ERC1: variants seen among roughly 807,000 people sequenced by gnomAD.
ERC1 encodes ELKS/RAB6-interacting/CAST family member 1.
ERC1 carries 56 observed loss-of-function variants against 132.0 expected under a neutral mutation model. The ratio of observed to expected loss-of-function variants is 0.42; its 90% CI spans 0.34 to 0.53. ERC1 has a LOEUF of 0.53. Among genes scored for constraint, ERC1 ranks in the 20% least tolerant of loss-of-function variants. The probability of loss-of-function intolerance (pLI) is 0.03; values close to 1 mark genes in which losing one functional copy is unlikely to be tolerated. For synonymous variants in ERC1, 478 were observed against 476.1 expected (o/e 1.00, Z -0.05); for missense variants, 1,202 against 1,349.9 (o/e 0.89, Z 1.72).
rs1410541614 is a variant in ERC1, at chr12:1,418,619, CTTTCTTTCTTTCTT to C, written c.3024+10374_3024+10387del. 3.3e-3 allele frequency among the ~76,000 whole-genome samples: 417 copies of C among 126,778 alleles called. 6 individuals are homozygous for C. The highest frequency in any genetic ancestry group is 0.016 in the African/African-American group (403 of 25,866). 83.2% of individuals were successfully genotyped at this position (126,778 alleles called of 152,430 possible). Reference sequence around the variant, plus strand: ...TCTTTCTTTCTTTCTTTCTTTCTTTCTTTCTTTCTTTCTTTCTTTCTTTCTCTCTCTCTCTCTCT... The same window carrying C: ...TCTTTCTTTCTTTCTTTCTTTCTTTCTCTTTCTTTCTCTCTCTCTCTCTCT... On this transcript the variant is annotated intron_variant, in intron 17 of 18. Coordinates refer to ENST00000360905, the MANE Select transcript of ERC1 (RefSeq NM_178040.4).
intron 15 of ERC1, among the ~76,000 whole-genome samples, chr12:1,303,153 A>C (rs978456765): frequency 2.0e-5 from 3 of 152,166 alleles, no homozygotes; most frequent in African/African-American, 7.2e-5. Context: ...CTGCTGACTG[A>C]GCAGAGTGGT....
At chr12:1,128,746 C>T (rs527690011) in intron 7 of ERC1, among the ~76,000 whole-genome samples, 42 of 151,790 alleles carry the variant, frequency 2.8e-4, no homozygotes, top group Non-Finnish European at 5.7e-4. Context: ...TGATTTAAAA[C>T]GCGAGGAAAA....
intron 2 of ERC1, among the ~76,000 whole-genome samples, chr12:1,051,435 A>G (rs1041044966): frequency 6.6e-6 from 1 of 151,480 alleles, no homozygotes. Context: ...CATGCCTGTA[A>G]TCCCAGTGGT....
At chr12:1,254,161 T>C (rs1047261373) in intron 13 of ERC1, among the ~76,000 whole-genome samples, 1 of 152,232 alleles carries the variant, frequency 6.6e-6, no homozygotes, top group African/African-American at 2.4e-5. Flanking sequence ...AAGATACTGC[T>C]TTCATTTTAG....
At chr12:1,481,258 A>G (rs184362475) in intron 18 of ERC1, among the ~76,000 whole-genome samples, 2 of 152,254 alleles carry the variant, frequency 1.3e-5, no homozygotes, top group African/African-American at 4.8e-5. Context: ...GAGGTTGTGA[A>G]TAATCCATTT....
At chr12:1,114,404 A>G (rs1282840129) in intron 6 of ERC1, among the ~76,000 whole-genome samples, 2 of 152,310 alleles carry the variant, frequency 1.3e-5, no homozygotes, top group Non-Finnish European at 2.9e-5. Flanking sequence ...CTTACTTAAT[A>G]ATGCAGATGA....
At chr12:1,407,812 A>G (rs1565371448) in intron 16 of ERC1, among the ~76,000 whole-genome samples, 2 of 151,954 alleles carry the variant, frequency 1.3e-5, no homozygotes, top group Non-Finnish European at 2.9e-5. Flanking sequence ...AAATCCCTCT[A>G]TTTTTCTCTT....
At chr12:1,420,544 C>T (rs1425199998) in intron 17 of ERC1, among the ~76,000 whole-genome samples, 4 of 152,188 alleles carry the variant, frequency 2.6e-5, no homozygotes, top group Admixed American at 2.0e-4. Flanking sequence ...CAAGCTCTGC[C>T]TCCCGAGTTC....
intron 16 of ERC1, among the ~76,000 whole-genome samples, chr12:1,401,145 A>G (rs532776870): frequency 2.4e-4 from 37 of 151,906 alleles, no homozygotes; most frequent in Admixed American, 4.6e-4. Flanking sequence ...CGTGTTAGCC[A>G]GGATGGTCTC....
intron 16 of ERC1, chr12:1,381,099 T>A (rs2088598728): frequency 6.6e-6 from 1 of 152,198 alleles, no homozygotes; most frequent in Non-Finnish European, 1.5e-5. Context: ...TCAAAACACA[T>A]CTGTGTTAGG....
At chr12:1,141,994 A>G (rs1299442833) in intron 8 of ERC1, among the ~76,000 whole-genome samples, 2 of 152,218 alleles carry the variant, frequency 1.3e-5, no homozygotes, top group East Asian at 1.9e-4. Flanking sequence ...CACTGTTAGT[A>G]TCTTCCAGTA....
At position 1,495,745 on chromosome 12, in the gene ERC1, C is replaced by T; in HGVS notation, c.*5515C>T. 4.5e-6 allele frequency: 1 copy of T among 223,694 alleles called. No individual in the cohort carries two copies. The highest frequency in any genetic ancestry group is 8.9e-6 in the Non-Finnish European group (1 of 112,018). 13.9% of individuals were successfully genotyped at this position (223,694 alleles called of 1,614,324 possible). A position where few individuals can be genotyped will look rare whatever the true frequency, so the allele number is the denominator to read the frequency against. On this transcript the variant is annotated 3_prime_UTR_variant, in exon 19 of 19. Transcript: ENST00000360905. ...CATGGTGGTGTCTGGGATGCACGTG[C>T]ACCCGCTGCCTTCAGCTGTATGTGT... is the stretch of plus-strand genomic sequence containing the variant.
intron 7 of ERC1, among the ~76,000 whole-genome samples, chr12:1,128,164 C>CT (rs1411756675): frequency 6.6e-6 from 1 of 152,156 alleles, no homozygotes; most frequent in African/African-American, 2.4e-5. Flanking sequence ...TAGTTAATCA[C>CT]TTGTGGATTG....
At chr12:1,286,820 A>C (rs1322166436) in intron 14 of ERC1, among the ~76,000 whole-genome samples, 1 of 152,198 alleles carries the variant, frequency 6.6e-6, no homozygotes, top group Non-Finnish European at 1.5e-5. Context: ...CCTAGGAATA[A>C]ATATTATTAG....
chr12:1,050,831 C>G (rs1214379419), intron 2 of ERC1, among the ~76,000 whole-genome samples: 1 of 152,092 alleles, frequency 6.6e-6, no homozygotes, highest in African/African-American at 2.4e-5. Flanking sequence ...TGGTGAAACC[C>G]CATCTCTACA....
At chr12:1,110,396 A>G (rs1335302749) in intron 5 of ERC1, 49 bp downstream of exon 5, 1 of 1,498,928 alleles carries the variant, frequency 6.7e-7, no homozygotes, top group Admixed American at 2.0e-5. Context: ...TGAAAAATTG[A>G]TGCATATTTT....
intron 16 of ERC1, among the ~76,000 whole-genome samples, chr12:1,398,930 CTTTT>C (rs1162145460): frequency 3.2e-5 from 3 of 93,898 alleles, no homozygotes; most frequent in Admixed American, 1.2e-4. Flanking sequence ...TTTTCTCCTA[CTTTT>C]TTTTTTTTTT....
intron 18 of ERC1, among the ~76,000 whole-genome samples, chr12:1,474,636 G>A (rs760236417): frequency 7.2e-5 from 11 of 152,208 alleles, no homozygotes; most frequent in Non-Finnish European, 1.5e-4. Flanking sequence ...CAAGCAGCCC[G>A]CCCCTCAGCT....
At chr12:1,261,116 T>C (rs2077115313) in intron 13 of ERC1, among the ~76,000 whole-genome samples, 1 of 152,212 alleles carries the variant, frequency 6.6e-6, no homozygotes, top group Non-Finnish European at 1.5e-5. Context: ...TTTTTATTGA[T>C]ACAGCCACAA....
Sources: gnomAD v4.1 joint callset for allele counts (sites outside exome capture counted in the v4.1 genomes callset) on GRCh38, gnomAD v4.1.1 for gene constraint, MANE v1.5 for transcripts, NCBI Gene and HGNC (gene_info 2026-07-23, HGNC 2026-07-21) for gene names.